FOXN3: variants seen among roughly 807,000 people sequenced by gnomAD.
FOXN3 encodes forkhead box protein N3.
FOXN3 carries 7 observed loss-of-function variants against 38.4 expected under a neutral mutation model. The ratio of observed to expected loss-of-function variants is 0.18; its 90% CI spans 0.10 to 0.34. The LOEUF (loss-of-function observed/expected upper bound fraction) is 0.34, where lower values mean the gene tolerates loss of function less well. Among genes scored for constraint, FOXN3 ranks in the 10% least tolerant of loss-of-function variants. The pLI is 1.00. For synonymous variants in FOXN3, 230 were observed against 242.2 expected (o/e 0.95, Z 0.47); for missense variants, 456 against 613.4 (o/e 0.74, Z 2.71).
At chr14:89,557,682 G>C (rs917743757) in intron 1 of FOXN3, among the ~76,000 whole-genome samples, 17 of 152,184 alleles carry the variant, frequency 1.1e-4, no homozygotes, top group African/African-American at 4.1e-4. Context: ...ACACCACACA[G>C]AGAAGAGGTG....
At chr14:89,457,771 G>C (rs1892755829) in intron 1 of FOXN3, among the ~76,000 whole-genome samples, 1 of 152,106 alleles carries the variant, frequency 6.6e-6, no homozygotes, top group South Asian at 2.1e-4. Context: ...CCAGCACTTT[G>C]GGAGGCTGAG....
At chr14:89,522,298 C>T (rs393609) in intron 1 of FOXN3, among the ~76,000 whole-genome samples, 66,658 of 151,348 alleles carry the variant, frequency 0.44, 14,866 homozygotes, top group African/African-American at 0.5. Flanking sequence ...ATAAAGGCTT[C>T]CATTTCAATA....
intron 3 of FOXN3, chr14:89,291,148 C>T (rs1285950778): frequency 4.6e-5 from 23 of 502,590 alleles, no homozygotes; most frequent in South Asian, 1.0e-4. Flanking sequence ...ATCTCGTTGA[C>T]GTAAGTACCC....
intron 3 of FOXN3, among the ~76,000 whole-genome samples, chr14:89,324,099 G>C (rs1027764429): frequency 7.2e-5 from 11 of 152,192 alleles, no homozygotes; most frequent in Non-Finnish European, 1.0e-4. Flanking sequence ...AGCCATTCAA[G>C]AATGAAAAGT....
chr14:89,297,989 A>G (rs1887098138), intron 3 of FOXN3, among the ~76,000 whole-genome samples: 1 of 152,142 alleles, frequency 6.6e-6, no homozygotes, highest in African/African-American at 2.4e-5. Context: ...TGTCTCTAAA[A>G]AAACAAAACA....
intron 1 of FOXN3, among the ~76,000 whole-genome samples, chr14:89,502,461 T>C (rs1251099766): frequency 1.3e-5 from 2 of 152,244 alleles, no homozygotes; most frequent in African/African-American, 4.8e-5. Flanking sequence ...ATAGATCATT[T>C]TTATAAAAAA....
chr14:89,410,583 C>T (rs1338568046), intron 2 of FOXN3, among the ~76,000 whole-genome samples: 2 of 152,086 alleles, frequency 1.3e-5, no homozygotes, highest in African/African-American at 4.8e-5. Context: ...TTCCTTAAAA[C>T]AAAAATAGGC....
At chr14:89,515,793 TG>T (rs1242896727) in intron 1 of FOXN3, among the ~76,000 whole-genome samples, 1 of 152,138 alleles carries the variant, frequency 6.6e-6, no homozygotes, top group African/African-American at 2.4e-5. Context: ...ATAACGTGTA[TG>T]GAAAAGTTAA....
At chr14:89,460,444 G>A (rs186868523) in intron 1 of FOXN3, among the ~76,000 whole-genome samples, 34 of 152,262 alleles carry the variant, frequency 2.2e-4, no homozygotes, top group Admixed American at 5.9e-4. Flanking sequence ...TGCAAACACA[G>A]ACACTTAGCA....
intron 1 of FOXN3, among the ~76,000 whole-genome samples, chr14:89,515,686 G>A (rs1894186205): frequency 6.6e-6 from 1 of 152,078 alleles, no homozygotes; most frequent in South Asian, 2.1e-4. Flanking sequence ...CAGTGAGCCG[G>A]GACCGTGCCA....
At position 89,515,777 on chromosome 14, in the gene FOXN3, A is replaced by G. The variant is rs1172660810; in HGVS notation, c.-15+103251T>C. Among the ~76,000 whole-genome samples, 3 of 152,220 alleles carry G rather than the reference A, an allele frequency of 2.0e-5. No individual in the cohort carries two copies. In the East Asian group the frequency reaches 5.8e-4, roughly 29 times the overall value. On this transcript the variant is annotated intron_variant, in intron 1 of 6. Coordinates refer to the FOXN3 transcript ENST00000345097. ...AGCATGTATTCAAATGTGCACAGTC[A>G]TTAAAATAACGTGTATGGAAAAGTT...
chr14:89,365,604 G>T (rs527643963), intron 2 of FOXN3, among the ~76,000 whole-genome samples: 42 of 152,304 alleles, frequency 2.8e-4, no homozygotes, highest in Non-Finnish European at 4.6e-4. Flanking sequence ...AGGGCCTTTA[G>T]CAAATAAGGG....
intron 5 of FOXN3, among the ~76,000 whole-genome samples, chr14:89,177,023 T>C (rs556898871): frequency 1.3e-5 from 2 of 150,396 alleles, no homozygotes; most frequent in Admixed American, 1.3e-4. Context: ...TTTTTTTTTT[T>C]TTTTTTTGAC....
At chr14:89,206,366 T>A (rs1389173264) in intron 4 of FOXN3, among the ~76,000 whole-genome samples, 1 of 152,168 alleles carries the variant, frequency 6.6e-6, no homozygotes, top group Non-Finnish European at 1.5e-5. Context: ...CAGACAAAAC[T>A]GTAAATGCTA....
rs557955618 is a variant in FOXN3 at position 89,510,808 on chromosome 14, G to A, written c.-14-98318C>T. Among the ~76,000 whole-genome samples, 9 of 152,138 alleles carry A rather than the reference G, an allele frequency of 5.9e-5. No individual in the cohort carries two copies. In the South Asian group the frequency reaches 1.7e-3, roughly 28 times the overall value. On this transcript the variant is annotated intron_variant, in intron 1 of 6. Coordinates refer to the FOXN3 transcript ENST00000345097. ...AATACAAAAATTAGCCAAGCGTGGTGGTGTGCGCCTGTAAATCCCAGCTAC... is the reference window on the plus strand; with the variant it reads ...AATACAAAAATTAGCCAAGCGTGGTAGTGTGCGCCTGTAAATCCCAGCTAC...
At chr14:89,262,061 G>A (rs1477756593) in intron 4 of FOXN3, among the ~76,000 whole-genome samples, 2 of 151,880 alleles carry the variant, frequency 1.3e-5, no homozygotes, top group African/African-American at 4.8e-5. Context: ...CCGAGATCGC[G>A]CACTGCACTC....
intron 1 of FOXN3, among the ~76,000 whole-genome samples, chr14:89,482,642 C>T (rs1324512296): frequency 1.3e-5 from 2 of 151,574 alleles, no homozygotes; most frequent in East Asian, 3.9e-4. Flanking sequence ...GGCATGGTGG[C>T]TCACACCTAT....
At chr14:89,554,033 G>A (rs988587678) in intron 1 of FOXN3, among the ~76,000 whole-genome samples, 3 of 151,878 alleles carry the variant, frequency 2.0e-5, no homozygotes, top group South Asian at 2.1e-4. Flanking sequence ...ACGGAGTCCC[G>A]CTCTGTCGCT....
At chr14:89,462,992 CT>C (rs1330077953) in intron 1 of FOXN3, among the ~76,000 whole-genome samples, 2 of 151,544 alleles carry the variant, frequency 1.3e-5, no homozygotes, top group African/African-American at 4.8e-5. Context: ...CCCTCTCTTC[CT>C]CTTCTTAAAA....
Sources: gnomAD v4.1 joint callset for allele counts (sites outside exome capture counted in the v4.1 genomes callset) on GRCh38, gnomAD v4.1.1 for gene constraint, MANE v1.5 for transcripts, NCBI Gene and HGNC (gene_info 2026-07-23, HGNC 2026-07-21) for gene names.